KIF26B: variants seen among roughly 807,000 people sequenced by gnomAD.
KIF26B encodes kinesin family member 26B.
A neutral mutation model predicts 151.2 loss-of-function variants in KIF26B; 63 were observed. That is an observed-to-expected ratio of 0.42 (90% CI 0.34 to 0.51). The LOEUF (loss-of-function observed/expected upper bound fraction) is 0.51. Ranked by LOEUF, KIF26B falls within the 20% of genes least tolerant of loss-of-function variation. KIF26B has a pLI of 0.07. For missense variants in KIF26B, 2,813 were observed against 2,913.6 expected (o/e 0.97, Z 0.79); for synonymous variants, 1,357 against 1,262.1 (o/e 1.08, Z -1.59).
intron 10 of KIF26B, among the ~76,000 whole-genome samples, chr1:245,662,131 T>G (rs7539208): frequency 0.076 from 11,421 of 150,398 alleles, 476 homozygotes; most frequent in South Asian, 0.11. Context: ...CAATGATATA[T>G]ACATACACAC....
intron 5 of KIF26B, among the ~76,000 whole-genome samples, chr1:245,561,759 G>A (rs1317274352): frequency 6.6e-6 from 1 of 152,194 alleles, no homozygotes; most frequent in Non-Finnish European, 1.5e-5. Flanking sequence ...ATCTCTGCAT[G>A]CTTCCTCTGA....
At chr1:245,249,489 ATTTTTTTTTTTT>A (rs60378504) in intron 2 of KIF26B, among the ~76,000 whole-genome samples, 1 of 79,808 alleles carries the variant, frequency 1.3e-5, no homozygotes, top group African/African-American at 4.8e-5. Flanking sequence ...GTGTTAATCT[ATTTTTTTTTTTT>A]TTTTTTTTTT....
At chr1:245,205,140 T>C (rs1306204985) in intron 2 of KIF26B, among the ~76,000 whole-genome samples, 1 of 152,146 alleles carries the variant, frequency 6.6e-6, no homozygotes, top group African/African-American at 2.4e-5. Flanking sequence ...ATGGAGTCCA[T>C]GTGTGTATTT....
intron 10 of KIF26B, among the ~76,000 whole-genome samples, chr1:245,670,979 C>T (rs2044279708): frequency 6.6e-6 from 1 of 152,178 alleles, no homozygotes; most frequent in African/African-American, 2.4e-5. Context: ...TAACCATCCC[C>T]ACATCCCCCA....
intron 5 of KIF26B, among the ~76,000 whole-genome samples, chr1:245,590,131 G>C (rs1483181185): frequency 6.7e-6 from 1 of 149,812 alleles, no homozygotes; most frequent in Admixed American, 6.6e-5. Flanking sequence ...GCGGGGTCGG[G>C]GGGTGGGGGT....
intron 4 of KIF26B, among the ~76,000 whole-genome samples, chr1:245,429,990 G>A (rs1053638823): frequency 4.6e-5 from 7 of 152,192 alleles, no homozygotes; most frequent in Admixed American, 6.5e-5. Flanking sequence ...AAGAAGATGG[G>A]GAGGGGCTTT....
rs536802644 is a variant in KIF26B, at chr1:245,594,047, C to CT, written c.1351-8527dup. On this transcript the variant is annotated intron_variant, in intron 5 of 14. Coordinates refer to ENST00000407071, the MANE Select transcript of KIF26B (RefSeq NM_018012.4). ...TTTTTCTTGTAAATTTGTTTAAGTT[C>CT]TTTGTAGATTCTGGATATTAGCCCT... 1.8e-3 allele frequency among the ~76,000 whole-genome samples: 279 copies of CT among 152,072 alleles called. 1 individual carries two copies. The highest frequency in any genetic ancestry group is 6.3e-3 in the African/African-American group (261 of 41,476).
intron 4 of KIF26B, among the ~76,000 whole-genome samples, chr1:245,429,970 G>A (rs1410850912): frequency 6.6e-6 from 1 of 152,142 alleles, no homozygotes; most frequent in Non-Finnish European, 1.5e-5. Flanking sequence ...GGAAGAGACT[G>A]AAGGGAAAAA....
chr1:245,506,960 G>A (rs971429419), intron 4 of KIF26B, among the ~76,000 whole-genome samples: 3 of 152,210 alleles, frequency 2.0e-5, no homozygotes, highest in Non-Finnish European at 2.9e-5. Flanking sequence ...GATTACAGGC[G>A]TGAGCCACGG....
At chr1:245,500,939 C>T (rs572501797) in intron 4 of KIF26B, among the ~76,000 whole-genome samples, 3 of 152,342 alleles carry the variant, frequency 2.0e-5, no homozygotes, top group African/African-American at 4.8e-5. Flanking sequence ...CCACCTCCAT[C>T]CCCTGACAAT....
At chr1:245,640,143 CTATA>C (rs1166040223) in intron 9 of KIF26B, among the ~76,000 whole-genome samples, 1 of 31,932 alleles carries the variant, frequency 3.1e-5, no homozygotes. Flanking sequence ...CTCTCTCTCT[CTATA>C]TATATATATA....
intron 2 of KIF26B, among the ~76,000 whole-genome samples, chr1:245,222,352 G>A (rs565670959): frequency 4.6e-5 from 7 of 152,194 alleles, no homozygotes; most frequent in African/African-American, 1.4e-4. Flanking sequence ...CAGGAGAATC[G>A]CTTAAACCCG....
intron 9 of KIF26B, among the ~76,000 whole-genome samples, chr1:245,639,595 T>G (rs1455230644): frequency 1.3e-5 from 2 of 151,840 alleles, no homozygotes. Flanking sequence ...TTAATGTAGG[T>G]ATTTATTGCT....
chr1:245,586,758 C>A (rs1005699943), intron 5 of KIF26B, among the ~76,000 whole-genome samples: 1 of 151,692 alleles, frequency 6.6e-6, no homozygotes, highest in South Asian at 2.1e-4. Context: ...CGGTGGCGGG[C>A]GCCTGTAGTC....
intron 2 of KIF26B, among the ~76,000 whole-genome samples, chr1:245,265,588 T>TTTA (rs967599803): frequency 1.0e-5 from 1 of 98,358 alleles, no homozygotes; most frequent in African/African-American, 3.6e-5. Context: ...AGAGAATGAC[T>TTTA]TTTTTTTTTT....
chr1:245,645,325 G>A (rs1268686776), intron 9 of KIF26B, among the ~76,000 whole-genome samples: 2 of 152,188 alleles, frequency 1.3e-5, no homozygotes, highest in Non-Finnish European at 2.9e-5. Context: ...TACATCAGGT[G>A]TGCTGATCAG....
At chr1:245,390,948 A>AAAAC (rs1673682447) in intron 3 of KIF26B, among the ~76,000 whole-genome samples, 1 of 127,842 alleles carries the variant, frequency 7.8e-6, no homozygotes, top group East Asian at 2.1e-4. Flanking sequence ...AAAAAAAAAA[A>AAAAC]AAAACCACCA....
At chr1:245,700,189 C>A (rs758434449) in intron 14 of KIF26B, among the ~76,000 whole-genome samples, 26 of 152,176 alleles carry the variant, frequency 1.7e-4, no homozygotes, top group Admixed American at 8.5e-4. Context: ...CACATACTAG[C>A]TGTGGGACCT....
chr1:245,588,708 C>T (rs1558226860), intron 5 of KIF26B, among the ~76,000 whole-genome samples: 1 of 152,202 alleles, frequency 6.6e-6, no homozygotes, highest in Non-Finnish European at 1.5e-5. Context: ...TTGTTTTATG[C>T]GTAAACCCAA....
Sources: allele counts gnomAD v4.1 joint callset (sites outside exome capture counted in the v4.1 genomes callset), GRCh38; gene constraint gnomAD v4.1.1; transcripts MANE v1.5; gene names NCBI Gene and HGNC (gene_info 2026-07-23, HGNC 2026-07-21).